Variants in GAS2L2 observed in about 807,000 individuals in gnomAD.
GAS2L2 encodes the protein growth arrest specific 2 like 2, also known as GAS2-like protein 2.
In GAS2L2, 21 loss-of-function variants were observed where a neutral mutation model predicts 35.2. That is an observed-to-expected ratio of 0.60 (90% CI 0.42 to 0.86). GAS2L2 has a LOEUF of 0.86. GAS2L2 is among the 40% of genes least tolerant of loss of function. The pLI is 0.00. For synonymous variants in GAS2L2, 490 were observed against 473.2 expected (o/e 1.04, Z -0.46); for missense variants, 1,169 against 1,144.4 (o/e 1.02, Z -0.31).
At chr17:35,750,402 G>C in intron 1 of GAS2L2, 84 bp from the exon 2 acceptor site, 1 of 1,562,190 alleles carries the variant, frequency 6.4e-7, no homozygotes, top group Non-Finnish European at 8.8e-7. Flanking sequence ...CTAGCGGGGA[G>C]GAAAGCACTG....
chr17:35,747,620 C>G (rs1485542757), intron 4 of GAS2L2, among the ~76,000 whole-genome samples: 1 of 152,176 alleles, frequency 6.6e-6, no homozygotes, highest in Non-Finnish European at 1.5e-5. Context: ...CTAAAATGCA[C>G]CGTGGCCAAA....
chr17:35,750,142 GC>G lies in GAS2L2; in HGVS notation c.561del (p.Asp189ThrfsTer26). On this transcript the variant is annotated frameshift_variant, in exon 2 of 6. Coordinates refer to ENST00000604641, the MANE Select transcript of GAS2L2 (RefSeq NM_139285.4). LOFTEE classifies it high-confidence loss of function. The stretch of plus-strand genomic sequence containing the variant: ...GGGGGCGCTGGCGGCGAGGGGTCGG[GC>G]GGGGGCAGGGCCAGCTCCCGCCGCA... ...EEVRRELALP[P>X]PDPSPPAPPR... 6.2e-7 allele frequency: 1 copy of G among 1,607,250 alleles called. No individual in the cohort carries two copies. Among genetic ancestry groups the G allele is most frequent in the Non-Finnish European group, 8.5e-7 (1 of 1,177,724 alleles).
rs782485123 is a variant in GAS2L2 at position 35,746,157 on chromosome 17, G to A, written c.1340C>T (p.Thr447Ile). The A allele has an allele frequency of 6.7e-7, 1 of 1,501,822 alleles. No homozygotes were observed. The highest frequency in any genetic ancestry group is 8.9e-7 in the Non-Finnish European group (1 of 1,125,080). The allele number at this position is 1,501,822 out of a possible 1,614,324, so 93.0% of individuals were successfully genotyped here. ...TGGTCCTCTTGCTGATATCCCTTTG[G>A]TGGTGGCCTCAATGGCTCGGAGTCT... is the stretch of plus-strand genomic sequence containing the variant. ...PQRLRAIEAT[T>I]KGISARGPSP... The change falls in exon 6 of 6, where the codon ACC (threonine) becomes ATC (isoleucine). Residue 447 changes from threonine (T) to isoleucine (I), a missense_variant. Physicochemically the swap from Thr to Ile is moderately conservative, Grantham distance 89. This residue lies in a region of GAS2L2 where 1,035 missense variants were observed against 976.5 expected (regional missense o/e 1.06). Coordinates refer to ENST00000604641, the MANE Select transcript of GAS2L2 (RefSeq NM_139285.4).
Position 35,749,223 on chromosome 17 carries a change from G to C in GAS2L2, c.628-6C>G. ...TGGCTCACAAGGCTCTGCACCTGCG[G>C]GCGGGTGGTGAACTCAGCCCTCTCC... On this transcript the variant is annotated splice_polypyrimidine_tract_variant and splice_region_variant and intron_variant, in intron 2 of 5. Coordinates refer to ENST00000604641, the MANE Select transcript of GAS2L2 (RefSeq NM_139285.4). 1 of 1,601,260 alleles carries C rather than the reference G, an allele frequency of 6.2e-7. No homozygotes were observed. Among genetic ancestry groups the C allele is most frequent in the Non-Finnish European group, 8.5e-7 (1 of 1,170,314 alleles).
intron 2 of GAS2L2, among the ~76,000 whole-genome samples, chr17:35,749,538 C>T (rs1402262220): frequency 6.6e-6 from 1 of 152,152 alleles, no homozygotes; most frequent in Non-Finnish European, 1.5e-5. Context: ...TGCCTGAGCT[C>T]CATTTTCCCC....
intron 1 of GAS2L2, 134 bp from the exon 2 acceptor site, chr17:35,750,452 T>A: frequency 8.0e-7 from 1 of 1,249,420 alleles, no homozygotes; most frequent in Non-Finnish European, 1.1e-6. Flanking sequence ...TGGGGAGTGG[T>A]TTGGGTCTCA....
In GAS2L2 at chr17:35,745,528, C is replaced by A. The variant is rs2085660032; in HGVS notation, c.1969G>T (p.Glu657Ter). The A allele has an allele frequency of 1.2e-6, 2 of 1,612,192 alleles. No individual in the cohort carries two copies. The highest frequency in any genetic ancestry group is 8.5e-7 in the Non-Finnish European group (1 of 1,178,966). Residue 657 changes from glutamate (E) to a stop codon, truncating the protein, a stop_gained, in exon 6 of 6, where the codon GAA (glutamate) becomes TAA (stop). Transcript: ENST00000604641. LOFTEE classifies it low-confidence loss of function (END_TRUNC). ...PGGPYDKAIQ[E>*]LAQGSPSLLK... Reference sequence around the variant, plus strand: ...AGGGATGGGGACCCCTGAGCCAGTTCTTGGATGGCTTTGTCATAAGGACCC... The same window carrying A: ...AGGGATGGGGACCCCTGAGCCAGTTATTGGATGGCTTTGTCATAAGGACCC...
Position 35,752,852 on chromosome 17 carries a change from G to C in GAS2L2, c.-2C>G. 6.3e-7 allele frequency: 1 copy of C among 1,589,946 alleles called. No individual in the cohort carries two copies. The highest frequency in any genetic ancestry group is 8.6e-7 in the Non-Finnish European group (1 of 1,164,424). On this transcript the variant is annotated 5_prime_UTR_variant, in exon 1 of 6. Coordinates refer to ENST00000604641, the MANE Select transcript of GAS2L2 (RefSeq NM_139285.4). ...CCTGCCTCCCGCAGGCTGGGACATG[G>C]CTGGACCCCAGCAGGGCAGGAGGTG...
In GAS2L2 at chr17:35,752,573, G is replaced by A. The variant is rs1555599915; in HGVS notation, c.278C>T (p.Pro93Leu). 2 of 1,613,996 alleles carry A rather than the reference G, an allele frequency of 1.2e-6. No individual in the cohort carries two copies. Among genetic ancestry groups the A allele is most frequent in the South Asian group, 1.1e-5 (1 of 91,086 alleles). Residue 93 changes from proline (P) to leucine (L), a missense_variant, in exon 1 of 6, where the codon CCC becomes CTC. This residue lies in a region of GAS2L2 where 127 missense variants were observed against 146.1 expected (regional missense o/e 0.87). Coordinates refer to ENST00000604641, the MANE Select transcript of GAS2L2 (RefSeq NM_139285.4). Reference protein sequence around the residue: ...APAQAQKIPMPRVGVSCNGAA... With the variant: ...APAQAQKIPMLRVGVSCNGAA... The stretch of plus-strand genomic sequence containing the variant: ...CCCATTGCAGGAGACCCCGACCCGG[G>A]GCATGGGAATCTTCTGGGCTTGGGC...
In GAS2L2 at chr17:35,747,281, C is replaced by T. The variant is rs2085675101; in HGVS notation, c.833-13G>A. The T allele has an allele frequency of 6.3e-7, 1 of 1,598,768 alleles. No homozygotes were observed. The highest frequency in any genetic ancestry group is 8.5e-7 in the Non-Finnish European group (1 of 1,171,048). On this transcript the variant is annotated splice_polypyrimidine_tract_variant and intron_variant, in intron 4 of 5. Transcript: ENST00000604641. ...CCTGGCTTGTGTGCTACCAACAGTC[C>T]CCCGGAGAAAGGAGAGGAGAGAAGG...
intron 5 of GAS2L2, 116 bp from the exon 6 acceptor site, chr17:35,746,527 G>T: frequency 1.7e-6 from 1 of 590,932 alleles, no homozygotes; most frequent in Non-Finnish European, 2.6e-6. Context: ...CACCCAGGAG[G>T]CTAGACTTCA....
At chr17:35,752,377 C>G in intron 1 of GAS2L2, 89 bp downstream of exon 1, 1 of 1,315,702 alleles carries the variant, frequency 7.6e-7, no homozygotes, top group Non-Finnish European at 1.0e-6. Context: ...CAGGCTCCTG[C>G]CCCCCAGAGC....
chr17:35,752,509 G>A lies in GAS2L2; in HGVS notation c.342C>T (p.Val114=). 3 of 1,605,914 alleles carry A rather than the reference G, an allele frequency of 1.9e-6. No homozygotes were observed. Among genetic ancestry groups the A allele is most frequent in the Middle Eastern group, 1.7e-4 (1 of 6,038 alleles). ...TTCGACACCACTGGATGAAGTTAGA[G>A]ACATTGTCCCTGGCCTGGAAGGTAC... ...QPGTFQARDN[V]SNFIQWCRKE... is the part of the protein sequence containing the mutation. Residue 114 remains valine, a synonymous_variant, in exon 1 of 6, where the codon GTC becomes GTT. Transcript: ENST00000604641.
Position 35,744,964 on chromosome 17 carries a change from C to G in GAS2L2, c.2533G>C (p.Glu845Gln), listed in dbSNP as rs782305521. The G allele has an allele frequency of 6.2e-7, 1 of 1,614,156 alleles. No individual in the cohort carries two copies. Among genetic ancestry groups the G allele is most frequent in the South Asian group, 1.1e-5 (1 of 91,086 alleles). The stretch of plus-strand genomic sequence containing the variant: ...TCCAATGGAGCGGCTGGCTCTTTCT[C>G]CTCCTTTCCTTCCTCCTCCTCCTCA... ...VGEEEEEGKE[E>Q]KEPAAPLESS... Residue 845 changes from glutamate (E) to glutamine (Q), a missense_variant, in exon 6 of 6, where the codon GAG (glutamate) becomes CAG (glutamine). Glu to Gln is a conservative substitution (Grantham distance 29). Coordinates refer to ENST00000604641, the MANE Select transcript of GAS2L2 (RefSeq NM_139285.4).
chr17:35,752,230 GAT>G (rs1325375659), intron 1 of GAS2L2, among the ~76,000 whole-genome samples: 2 of 152,166 alleles, frequency 1.3e-5, no homozygotes, highest in African/African-American at 2.4e-5. Context: ...AGAGGTGCTT[GAT>G]ATATGCTTAT....
rs1555598570 is a variant in GAS2L2, at chr17:35,744,910, G to T, written c.2587C>A (p.Gln863Lys). 6.2e-7 allele frequency: 1 copy of T among 1,612,092 alleles called. No homozygotes were observed. The highest frequency in any genetic ancestry group is 8.5e-7 in the Non-Finnish European group (1 of 1,179,008). ...ESSPQPPEGL[Q>K]PHWLNQAPLP... ...GGAGCTTGATTAAGCCAGTGAGGTT[G>T]CAGGCCCTCTGGAGGTTGGGGGCTG... is the stretch of plus-strand genomic sequence containing the variant. Residue 863 changes from glutamine (Q) to lysine (K), a missense_variant, in exon 6 of 6, where the codon CAA (glutamine) becomes AAA (lysine). Around this residue, in one of 3 missense-constraint regions of GAS2L2, gnomAD observed 1,035 missense variants for 976.5 expected, o/e 1.06. Coordinates refer to ENST00000604641, the MANE Select transcript of GAS2L2 (RefSeq NM_139285.4).
At position 35,745,514 on chromosome 17, in the gene GAS2L2, C is replaced by A. The variant is rs943533237; in HGVS notation, c.1983G>T (p.Gly661=). The change falls in exon 6 of 6, where the codon GGG becomes GGT. Residue 661 remains glycine, a synonymous_variant. Coordinates refer to ENST00000604641, the MANE Select transcript of GAS2L2 (RefSeq NM_139285.4). ...YDKAIQELAQ[G]SPSLLKVDLE... is the part of the protein sequence containing the mutation. ...GGTCCACTTTAAGGAGGGATGGGGA[C>A]CCCTGAGCCAGTTCTTGGATGGCTT... The A allele has an allele frequency of 1.2e-6, 2 of 1,610,700 alleles. No individual in the cohort carries two copies. The highest frequency in any genetic ancestry group is 1.3e-5 in the African/African-American group (1 of 74,950).
Position 35,747,269 on chromosome 17 carries a change from C to T in GAS2L2, c.833-1G>A. 2 of 1,606,792 alleles carry T rather than the reference C, an allele frequency of 1.2e-6. No homozygotes were observed. Among genetic ancestry groups the T allele is most frequent in the Non-Finnish European group, 8.5e-7 (1 of 1,175,746 alleles). On this transcript the variant is annotated splice_acceptor_variant, in intron 4 of 5. Coordinates refer to ENST00000604641, the MANE Select transcript of GAS2L2 (RefSeq NM_139285.4). LOFTEE classifies it high-confidence loss of function. Reference sequence around the variant, plus strand: ...TTCAGGAAGCTGCCTGGCTTGTGTGCTACCAACAGTCCCCCGGAGAAAGGA... The same window carrying T: ...TTCAGGAAGCTGCCTGGCTTGTGTGTTACCAACAGTCCCCCGGAGAAAGGA...
rs143763999 is a variant in GAS2L2, at chr17:35,746,029, A to G, written c.1468T>C (p.Ser490Pro). The change falls in exon 6 of 6, where the codon TCT becomes CCT. Residue 490 changes from serine to proline, a missense_variant. Around this residue, in one of 3 missense-constraint regions of GAS2L2, gnomAD observed 1,035 missense variants for 976.5 expected, o/e 1.06. Coordinates refer to ENST00000604641, the MANE Select transcript of GAS2L2 (RefSeq NM_139285.4). Reference sequence around the variant, plus strand: ...TGGACAGGGGTTGGAGAACGGACAGACTCTGGCTCCCTGAACTGGAAGAAC... The same window carrying G: ...TGGACAGGGGTTGGAGAACGGACAGGCTCTGGCTCCCTGAACTGGAAGAAC... Reference protein sequence around the residue: ...GAFFQFREPESVRSPTPVQGL... With the variant: ...GAFFQFREPEPVRSPTPVQGL... 63 of 1,548,770 alleles carry G rather than the reference A, an allele frequency of 4.1e-5. No individual in the cohort carries two copies. In the African/African-American group the frequency reaches 6.6e-4, roughly 16 times the overall value.
Sources: gnomAD v4.1 joint callset for allele counts (sites outside exome capture counted in the v4.1 genomes callset) on GRCh38, gnomAD v4.1.1 for gene constraint, gnomAD v4.1.1 regional missense constraint, MANE v1.5 for transcripts, NCBI Gene and HGNC (gene_info 2026-07-23, HGNC 2026-07-21) for gene names.